NUP188: variants seen among roughly 807,000 people sequenced by gnomAD.
The protein encoded by NUP188 is nucleoporin NUP188.
A neutral mutation model predicts 223.0 loss-of-function variants in NUP188; 97 were observed. That is an observed-to-expected ratio of 0.43 (90% CI 0.37 to 0.51). NUP188 has a LOEUF of 0.51. Among genes scored for constraint, NUP188 ranks in the 20% least tolerant of loss-of-function variants. The pLI, the probability that NUP188 is intolerant of heterozygous loss-of-function variation, is 0.00. For synonymous variants in NUP188, 869 were observed against 828.0 expected (o/e 1.05, Z -0.85); for missense variants, 1,947 against 2,175.6 (o/e 0.89, Z 2.09).
At chr9:128,986,052 A>G (rs1204069971) in intron 20 of NUP188, among the ~76,000 whole-genome samples, 1 of 152,198 alleles carries the variant, frequency 6.6e-6, no homozygotes, top group African/African-American at 2.4e-5. Context: ...GGGCGAAAAA[A>G]AAGATTGCAT....
At chr9:128,987,028 G>GT (rs1427447275) in intron 22 of NUP188, among the ~76,000 whole-genome samples, 153 bp downstream of exon 22, 2 of 149,780 alleles carry the variant, frequency 1.3e-5, no homozygotes, top group African/African-American at 4.9e-5. Context: ...CCATTGGCCT[G>GT]TTTATCATTT....
intron 15 of NUP188, 24 bp from the exon 16 acceptor site, chr9:128,982,525 G>A: frequency 6.3e-7 from 1 of 1,591,640 alleles, no homozygotes; most frequent in African/African-American, 1.3e-5. Context: ...TCAGATATTA[G>A]ACTAATTTAT....
At chr9:128,965,921 C>A (rs1842020652) in intron 8 of NUP188, among the ~76,000 whole-genome samples, 1 of 151,646 alleles carries the variant, frequency 6.6e-6, no homozygotes, top group Non-Finnish European at 1.5e-5. Flanking sequence ...CCTCAGCCTC[C>A]CAAATAGCTG....
chr9:128,975,882 C>T (rs955194910), intron 12 of NUP188, among the ~76,000 whole-genome samples: 2 of 152,088 alleles, frequency 1.3e-5, no homozygotes, highest in South Asian at 2.1e-4. Flanking sequence ...AGTACAGTGG[C>T]GTGATTTCAG....
Position 128,984,890 on chromosome 9 carries a change from C to G in NUP188, c.1962-10C>G, listed in dbSNP as rs1264512958. On this transcript the variant is annotated splice_polypyrimidine_tract_variant and intron_variant, in intron 19 of 43. Coordinates refer to ENST00000372577, the MANE Select transcript of NUP188 (RefSeq NM_015354.3). ...CCTATCATTTTTTTTCCCTCTACTT[C>G]TTTTTCCAGTGCGGAAGGGATGAAT... The G allele has an allele frequency of 6.4e-7, 1 of 1,574,752 alleles. No individual in the cohort carries two copies. The highest frequency in any genetic ancestry group is 1.4e-5 in the African/African-American group (1 of 73,354).
chr9:129,004,851 G>A, intron 38 of NUP188: 1 of 463,126 alleles, frequency 2.2e-6, no homozygotes, highest in Non-Finnish European at 3.9e-6. Flanking sequence ...ACCTAGCTGG[G>A]TCTCAGGGAG....
At position 128,981,252 on chromosome 9, in the gene NUP188, C is replaced by G; in HGVS notation, c.1390-12C>G. ...GGAGGGAAATGTGTGATGGTTTTTT[C>G]TGTTTTGGCAGGTGTATAGCTTCTT... On this transcript the variant is annotated splice_polypyrimidine_tract_variant and intron_variant, in intron 14 of 43. Coordinates refer to ENST00000372577, the MANE Select transcript of NUP188 (RefSeq NM_015354.3). The G allele has an allele frequency of 1.2e-6, 2 of 1,610,056 alleles. No homozygotes were observed.
intron 38 of NUP188, among the ~76,000 whole-genome samples, chr9:129,004,154 G>C (rs913540628): frequency 1.3e-5 from 2 of 151,742 alleles, no homozygotes; most frequent in Non-Finnish European, 2.9e-5. Flanking sequence ...GCACACGCCT[G>C]TAGTCCCAGC....
rs751637671 is a variant in NUP188, at chr9:128,993,293, C to T, written c.2737C>T (p.Arg913Cys). The change falls in exon 26 of 44, where the codon CGC becomes TGC. Residue 913 changes from arginine to cysteine, a missense_variant. Physicochemically the swap from Arg to Cys is radical, Grantham distance 180. This residue lies in a region of NUP188 where 225 missense variants were observed against 319.1 expected (regional missense o/e 0.71). Transcript: ENST00000372577. ...ATTGCAGAGCAAAATTGAGGACATG[C>T]GCATCAAAGTCATGATTCTAGAGTT... ...TRLQSKIEDM[R>C]IKVMILEFLT... The T allele has an allele frequency of 1.7e-5, 28 of 1,613,908 alleles. 1 individual carries two copies. The highest frequency in any genetic ancestry group is 6.7e-5 in the Admixed American group (4 of 60,004).
chr9:129,001,853 C>T (rs1163384479), intron 35 of NUP188, 31 bp from the exon 36 acceptor site: 3 of 1,605,626 alleles, frequency 1.9e-6, no homozygotes, highest in Non-Finnish European at 1.7e-6. Context: ...GGGCAGGCTC[C>T]ATCTCATTTC....
Position 128,986,789 on chromosome 9 carries a change from C to CTA in NUP188, c.2198-19_2198-18insAT, listed in dbSNP as rs766446813. 6.2e-7 allele frequency: 1 copy of CTA among 1,613,962 alleles called. No individual in the cohort carries two copies. Among genetic ancestry groups the CTA allele is most frequent in the Non-Finnish European group, 8.5e-7 (1 of 1,179,970 alleles). ...CATTTCACAAGGCCACATCATTCCT[C>CTA]TGTCTTTTCTGGAGTCCAGGTTGCC... On this transcript the variant is annotated intron_variant, in intron 21 of 43. Coordinates refer to ENST00000372577, the MANE Select transcript of NUP188 (RefSeq NM_015354.3).
At position 129,001,531 on chromosome 9, in the gene NUP188, G is replaced by C. The variant is rs556102457; in HGVS notation, c.3846G>C (p.Val1282=). 2 of 1,612,852 alleles carry C rather than the reference G, an allele frequency of 1.2e-6. No homozygotes were observed. Among genetic ancestry groups the C allele is most frequent in the South Asian group, 2.2e-5 (2 of 91,074 alleles). ...RSRHRDQRDG[V]CVLGLHLAKE... is the part of the protein sequence containing the mutation. The stretch of plus-strand genomic sequence containing the variant: ...TACTCATCTTTGCCTCTGGGCAGGT[G>C]TGTGTCCTGGGCCTGCACCTGGCCA... Residue 1282 remains valine, a splice_region_variant and synonymous_variant, in exon 35 of 44, where the codon GTG becomes GTC. Transcript: ENST00000372577.
intron 30 of NUP188, among the ~76,000 whole-genome samples, chr9:128,995,837 TCTC>T (rs964495322): frequency 1.3e-5 from 2 of 152,218 alleles, no homozygotes; most frequent in Non-Finnish European, 2.9e-5. Flanking sequence ...ATAACTGTCT[TCTC>T]GTGCTGTGTA....
chr9:128,973,399 T>TTC, intron 12 of NUP188, 150 bp downstream of exon 12: 1 of 596,134 alleles, frequency 1.7e-6, no homozygotes. Flanking sequence ...TTCTTTTTTT[T>TTC]TGAGATGGAG....
intron 11 of NUP188, among the ~76,000 whole-genome samples, chr9:128,972,067 C>T (rs138146613): frequency 1.3e-5 from 2 of 152,286 alleles, no homozygotes; most frequent in East Asian, 1.9e-4. Context: ...CCACCGTGCC[C>T]GGCCAAATCA....
At chr9:128,986,985 G>A in intron 22 of NUP188, 110 bp downstream of exon 22, 1 of 876,412 alleles carries the variant, frequency 1.1e-6, no homozygotes, top group Non-Finnish European at 1.8e-6. Flanking sequence ...CTTGAGCCCA[G>A]AACTCAGTAA....
chr9:128,982,202 A>G (rs1341787724), intron 15 of NUP188, among the ~76,000 whole-genome samples: 3 of 152,074 alleles, frequency 2.0e-5, no homozygotes, highest in Non-Finnish European at 4.4e-5. Context: ...AGGCCAAGAC[A>G]GGCAAATCAC....
chr9:128,964,224 C>T (rs1389539079), intron 8 of NUP188: 2 of 359,078 alleles, frequency 5.6e-6, no homozygotes, highest in Non-Finnish European at 1.1e-5. Flanking sequence ...CATTTTTATC[C>T]CATTGTTTTT....
chr9:128,952,758 C>T lies in NUP188; in HGVS notation c.88-15C>T, dbSNP rs1841811004. Reference sequence around the variant, plus strand: ...AAAAATACTGCATTTGTATAATTACCTTGTTCTTTTCCAGAGTCAGATTGA... The same window carrying T: ...AAAAATACTGCATTTGTATAATTACTTTGTTCTTTTCCAGAGTCAGATTGA... On this transcript the variant is annotated splice_polypyrimidine_tract_variant and intron_variant, in intron 2 of 43. Coordinates refer to ENST00000372577, the MANE Select transcript of NUP188 (RefSeq NM_015354.3). 27 of 1,607,318 alleles carry T rather than the reference C, an allele frequency of 1.7e-5. No homozygotes were observed. Among genetic ancestry groups the T allele is most frequent in the Non-Finnish European group, 2.3e-5 (27 of 1,175,144 alleles).
Sources: allele counts gnomAD v4.1 joint callset (sites outside exome capture counted in the v4.1 genomes callset), GRCh38; gene constraint gnomAD v4.1.1; regional missense constraint gnomAD v4.1.1; transcripts MANE v1.5; gene names NCBI Gene and HGNC (gene_info 2026-07-23, HGNC 2026-07-21).